Variants in PCDHA3 observed in about 807,000 individuals in gnomAD.
The protein encoded by PCDHA3 is protocadherin alpha-3.
In PCDHA3, 41 loss-of-function variants were observed where a neutral mutation model predicts 62.2. The observed-to-expected ratio is 0.66, with a 90% CI of 0.51 to 0.86. PCDHA3 has a LOEUF of 0.86. Ranked by LOEUF, PCDHA3 falls within the 40% of genes least tolerant of loss-of-function variation. The pLI, the probability that PCDHA3 is intolerant of heterozygous loss-of-function variation, is 0.00. For missense variants in PCDHA3, 1,304 were observed against 1,241.2 expected (o/e 1.05, Z -0.76); for synonymous variants, 640 against 555.4 (o/e 1.15, Z -2.14).
At chr5:140,928,077 C>T in intron 1 of PCDHA3, 1 of 1,614,230 alleles carries the variant, frequency 6.2e-7, no homozygotes, top group Non-Finnish European at 8.5e-7. Context: ...ACAACTACTA[C>T]AGCCTGCTGA....
intron 1 of PCDHA3, among the ~76,000 whole-genome samples, chr5:140,959,145 A>C (rs2095470775): frequency 6.6e-6 from 1 of 152,030 alleles, no homozygotes; most frequent in Non-Finnish European, 1.5e-5. Flanking sequence ...GGGAGGCCAA[A>C]GTGGGCAGAT....
intron 1 of PCDHA3, chr5:140,884,185 G>T (rs1554181312): frequency 6.2e-7 from 1 of 1,613,444 alleles, no homozygotes. Context: ...CTCTGGACGA[G>T]GTGGACGCGC....
chr5:140,828,207 C>T (rs1769609355), intron 1 of PCDHA3: 4 of 1,614,008 alleles, frequency 2.5e-6, no homozygotes, highest in Non-Finnish European at 3.4e-6. Context: ...CCCGAGGAGG[C>T]CAAACACGGC....
intron 1 of PCDHA3, among the ~76,000 whole-genome samples, chr5:140,943,736 A>G (rs913454195): frequency 3.3e-5 from 5 of 152,266 alleles, no homozygotes; most frequent in Non-Finnish European, 7.3e-5. Context: ...ATGAAAGTCC[A>G]CAGTCTAAAA....
At chr5:140,880,084 T>TAGTA (rs2058231039) in intron 1 of PCDHA3, among the ~76,000 whole-genome samples, 1 of 152,208 alleles carries the variant, frequency 6.6e-6, no homozygotes. Context: ...CAACCTATTA[T>TAGTA]AGTAGGCTTA....
At chr5:140,862,618 C>CCG in intron 1 of PCDHA3, 1 of 526,556 alleles carries the variant, frequency 1.9e-6, no homozygotes, top group Non-Finnish European at 3.9e-6. Context: ...AGGTAACAAC[C>CCG]CGCGGGGCTG....
intron 1 of PCDHA3, chr5:140,842,971 G>T: frequency 6.3e-7 from 1 of 1,594,964 alleles, no homozygotes; most frequent in Non-Finnish European, 8.6e-7. Context: ...GCAACGTGAC[G>T]CTGCAGGTGT....
chr5:140,906,534 A>G (rs7704223), intron 1 of PCDHA3, among the ~76,000 whole-genome samples: 49,309 of 152,142 alleles, frequency 0.32, 8,308 homozygotes, highest in East Asian at 0.53. Flanking sequence ...GACAATTAAA[A>G]TCCTCATTTC....
At chr5:140,864,698 T>A (rs2048569561) in intron 1 of PCDHA3, 1 of 152,250 alleles carries the variant, frequency 6.6e-6, no homozygotes, top group African/African-American at 2.4e-5. Flanking sequence ...CCAGTTTAAG[T>A]TGTTGAGCTC....
chr5:140,967,548 C>G (rs782750678), intron 1 of PCDHA3: 1 of 1,613,922 alleles, frequency 6.2e-7, no homozygotes, highest in Admixed American at 1.7e-5. Flanking sequence ...GACCAGTCCA[C>G]TTATCGCGTC....
chr5:140,845,818 A>T (rs1554141021), intron 1 of PCDHA3, among the ~76,000 whole-genome samples: 2 of 149,728 alleles, frequency 1.3e-5, no homozygotes, highest in Admixed American at 1.3e-4. Flanking sequence ...ACATAATAAA[A>T]TTTAGTTATT....
intron 1 of PCDHA3, chr5:140,870,150 C>T (rs2051709522): frequency 6.2e-7 from 1 of 1,614,098 alleles, no homozygotes; most frequent in Non-Finnish European, 8.5e-7. Context: ...CTCCTGAAGT[C>T]GCCGTGACTT....
intron 1 of PCDHA3, chr5:140,825,571 T>A (rs1196041650): frequency 6.6e-6 from 1 of 151,826 alleles, no homozygotes; most frequent in Non-Finnish European, 1.5e-5. Flanking sequence ...ATTACAGGCA[T>A]GTGCCCACAC....
intron 1 of PCDHA3, chr5:140,867,464 C>A (rs1358869562): frequency 6.6e-6 from 1 of 151,874 alleles, no homozygotes; most frequent in Non-Finnish European, 1.5e-5. Context: ...AGTGTTATGA[C>A]AACATTGGGA....
At chr5:140,856,282 G>T (rs1554148485) in intron 1 of PCDHA3, 1 of 1,598,456 alleles carries the variant, frequency 6.3e-7, no homozygotes, top group African/African-American at 1.3e-5. Context: ...AGGTAAATCT[G>T]CAGAATGGCA....
intron 1 of PCDHA3, among the ~76,000 whole-genome samples, chr5:140,953,471 C>T (rs554082808): frequency 3.9e-5 from 6 of 152,074 alleles, no homozygotes; most frequent in Non-Finnish European, 7.4e-5. Flanking sequence ...TTTTAACTTC[C>T]TCATGCTGTG....
At chr5:141,009,602 T>G in intron 3 of PCDHA3, 25 bp from the exon 4 acceptor site, 1 of 1,608,136 alleles carries the variant, frequency 6.2e-7, no homozygotes, top group Non-Finnish European at 8.5e-7. Flanking sequence ...ACCCTGTTAA[T>G]GATTTGTAAT....
At chr5:140,930,169 A>G (rs1312219690) in intron 1 of PCDHA3, 1 of 152,184 alleles carries the variant, frequency 6.6e-6, no homozygotes, top group Non-Finnish European at 1.5e-5. Context: ...AATATTTTAC[A>G]AAGAGGAAAG....
chr5:140,801,798 A>C lies in PCDHA3; in HGVS notation c.601A>C (p.Asn201His). 6.2e-7 allele frequency: 1 copy of C among 1,614,058 alleles called. No individual in the cohort carries two copies. The highest frequency in any genetic ancestry group is 8.5e-7 in the Non-Finnish European group (1 of 1,180,018). The change falls in exon 1 of 4, where the codon AAT becomes CAT. Residue 201 changes from asparagine (N) to histidine (H), a missense_variant. Transcript: ENST00000522353. ...TGGACTCGTGTTGAAAAAAAATTTA[A>C]ATCGAGAGGACACTCCTAAGCATTA... Reference protein sequence around the residue: ...SLGLVLKKNLNREDTPKHYLL... With the variant: ...SLGLVLKKNLHREDTPKHYLL...
Sources: gnomAD v4.1 joint callset for allele counts (sites outside exome capture counted in the v4.1 genomes callset) on GRCh38, gnomAD v4.1.1 for gene constraint, MANE v1.5 for transcripts, NCBI Gene and HGNC (gene_info 2026-07-23, HGNC 2026-07-21) for gene names.